The following PPP2CB variants were observed in gnomAD, a reference collection of about 807,000 sequenced individuals.
The protein encoded by PPP2CB is serine/threonine-protein phosphatase 2A catalytic subunit beta isoform.
In PPP2CB, 18 loss-of-function variants were observed where a neutral mutation model predicts 39.1. That is an observed-to-expected ratio of 0.46 (90% CI 0.32 to 0.68). The LOEUF (loss-of-function observed/expected upper bound fraction) is 0.68, where lower values mean the gene tolerates loss of function less well. PPP2CB is among the 30% of genes least tolerant of loss of function. The pLI is 0.04. For missense variants in PPP2CB, 226 were observed against 396.9 expected (o/e 0.57, Z 3.66); for synonymous variants, 129 against 133.8 (o/e 0.96, Z 0.25).
intron 2 of PPP2CB, among the ~76,000 whole-genome samples, chr8:30,798,497 T>TACA (rs1563215858): frequency 1.3e-5 from 2 of 152,200 alleles, no homozygotes; most frequent in African/African-American, 4.8e-5. Context: ...GGCAGCATTT[T>TACA]TGTTAACAGA....
At chr8:30,791,483 A>C (rs1806427815) in intron 5 of PPP2CB, 168 bp from the exon 6 acceptor site, 1 of 563,672 alleles carries the variant, frequency 1.8e-6, no homozygotes, top group South Asian at 2.4e-5. Flanking sequence ...CCTGTAAAGA[A>C]TACTGTGCAA....
intron 3 of PPP2CB, among the ~76,000 whole-genome samples, chr8:30,796,628 A>G (rs1184921474): frequency 6.6e-6 from 1 of 152,080 alleles, no homozygotes; most frequent in Non-Finnish European, 1.5e-5. Flanking sequence ...ACCTCAGGTG[A>G]TCCACCCACC....
At chr8:30,812,251 G>T in intron 1 of PPP2CB, 69 bp downstream of exon 1, 1 of 1,237,102 alleles carries the variant, frequency 8.1e-7, no homozygotes, top group Non-Finnish European at 1.1e-6. Flanking sequence ...GGACGGGACC[G>T]GGGCGGGCAG....
rs1197530929 is a variant in PPP2CB, at chr8:30,812,495, C to T, written c.-74G>A. 9.6e-6 allele frequency: 11 copies of T among 1,151,244 alleles called. No homozygotes were observed. The East Asian group carries it at 3.1e-4, about 32-fold the overall frequency. 71.3% of individuals were successfully genotyped at this position (1,151,244 alleles called of 1,614,324 possible). On this transcript the variant is annotated 5_prime_UTR_variant, in exon 1 of 7. Transcript: ENST00000221138. Reference sequence around the variant, plus strand: ...CTCCCCCCTCCCCACCCGCCCCCGGCCCCGGCCCGGGCGCCGCTCCCCTCT... The same window carrying T: ...CTCCCCCCTCCCCACCCGCCCCCGGTCCCGGCCCGGGCGCCGCTCCCCTCT...
intron 1 of PPP2CB, among the ~76,000 whole-genome samples, chr8:30,807,916 C>T (rs141942443): frequency 6.6e-6 from 1 of 152,330 alleles, no homozygotes; most frequent in African/African-American, 2.4e-5. Context: ...ACATGCCTTG[C>T]TATTTTATGC....
At chr8:30,786,956 C>T (rs1190563481) in intron 6 of PPP2CB, among the ~76,000 whole-genome samples, 5 of 152,192 alleles carry the variant, frequency 3.3e-5, no homozygotes, top group South Asian at 2.1e-4. Context: ...TGAGCCACCG[C>T]GCCAGGCCTA....
At chr8:30,788,131 G>T (rs1395072348) in intron 6 of PPP2CB, among the ~76,000 whole-genome samples, 1 of 151,898 alleles carries the variant, frequency 6.6e-6, no homozygotes, top group Non-Finnish European at 1.5e-5. Context: ...TTTCTGTAAT[G>T]ATTTTCTACT....
At chr8:30,795,053 T>C (rs529370729) in intron 3 of PPP2CB, among the ~76,000 whole-genome samples, 46 of 152,284 alleles carry the variant, frequency 3.0e-4, no homozygotes, top group African/African-American at 9.9e-4. Context: ...TTCAAGTCCA[T>C]GCTCTAGGTA....
chr8:30,785,925 A>T lies in PPP2CB; in HGVS notation c.*310T>A, dbSNP rs1806331573. 2 of 501,748 alleles carry T rather than the reference A, an allele frequency of 4.0e-6. No individual in the cohort carries two copies. The highest frequency in any genetic ancestry group is 7.7e-6 in the Non-Finnish European group (2 of 261,406). 31.1% of individuals were successfully genotyped at this position (501,748 alleles called of 1,614,324 possible). A position where few individuals can be genotyped will look rare whatever the true frequency, so the allele number is the denominator to read the frequency against. On this transcript the variant is annotated 3_prime_UTR_variant, in exon 7 of 7. Coordinates refer to ENST00000221138, the MANE Select transcript of PPP2CB (RefSeq NM_001009552.2). ...ACACTATAACTAAAATTTCCAAATAAGCGCAAAAGGAGATGAAGCAGTTAG... is the reference window on the plus strand; with the variant it reads ...ACACTATAACTAAAATTTCCAAATATGCGCAAAAGGAGATGAAGCAGTTAG...
intron 6 of PPP2CB, 199 bp from the exon 7 acceptor site, chr8:30,786,506 A>ATTTTTTTTTTTTTTTT: frequency 5.2e-6 from 2 of 384,862 alleles, no homozygotes; most frequent in Non-Finnish European, 4.6e-6. Context: ...TATGGTGAAA[A>ATTTTTTTTTTTTTTTT]TTTAAGAAGA....
intron 3 of PPP2CB, among the ~76,000 whole-genome samples, chr8:30,796,069 A>G (rs1308183755): frequency 6.6e-6 from 1 of 152,254 alleles, no homozygotes; most frequent in South Asian, 2.1e-4. Flanking sequence ...TTTAAAAATC[A>G]TTCTGTCCAG....
At position 30,789,133 on chromosome 8, in the gene PPP2CB, C is replaced by T. The variant is rs549494752; in HGVS notation, c.857+2064G>A. ...ATCGCCGCCGCCTCCCAGGTTCAAG[C>T]GATTCTCCTGCCTCAGCCTCCTGAG... is the stretch of plus-strand genomic sequence containing the variant. On this transcript the variant is annotated intron_variant, in intron 6 of 6. Transcript: ENST00000221138. Among the ~76,000 whole-genome samples the T allele has an allele frequency of 2.1e-3, 321 of 151,560 alleles. 2 individuals are homozygous for T. The highest frequency in any genetic ancestry group is 7.2e-3 in the African/African-American group (299 of 41,278).
chr8:30,791,416 T>G, intron 5 of PPP2CB, 101 bp from the exon 6 acceptor site: 1 of 828,082 alleles, frequency 1.2e-6, no homozygotes. Flanking sequence ...GTACTCTCTG[T>G]GGAAATGTAG....
intron 6 of PPP2CB, among the ~76,000 whole-genome samples, chr8:30,789,354 C>T (rs1806393309): frequency 6.6e-6 from 1 of 152,194 alleles, no homozygotes; most frequent in Non-Finnish European, 1.5e-5. Context: ...TAATCTTTCA[C>T]AGCCTGGCTA....
At position 30,798,223 on chromosome 8, in the gene PPP2CB, C is replaced by A. The variant is rs187596680; in HGVS notation, c.313-469G>T. 7.9e-5 allele frequency among the ~76,000 whole-genome samples: 12 copies of A among 152,224 alleles called. No homozygotes were observed. The East Asian group carries it at 2.3e-3, about 29-fold the overall frequency. On this transcript the variant is annotated intron_variant, in intron 2 of 6. Coordinates refer to ENST00000221138, the MANE Select transcript of PPP2CB (RefSeq NM_001009552.2). ...GGAAGATTGGATTTGCCAATAATAA[C>A]ACAAAAACAGGCCCTTGACAAAACT...
chr8:30,804,008 A>C (rs923411078), intron 1 of PPP2CB, among the ~76,000 whole-genome samples: 9 of 152,110 alleles, frequency 5.9e-5, no homozygotes, highest in Admixed American at 2.6e-4. Flanking sequence ...TTTTTAGTAG[A>C]GATGGGGTTT....
intron 5 of PPP2CB, 75 bp downstream of exon 5, chr8:30,793,842 G>A: frequency 7.1e-7 from 1 of 1,417,744 alleles, no homozygotes; most frequent in Non-Finnish European, 9.4e-7. Flanking sequence ...ATGTTTCTTA[G>A]TTAAGTCATA....
At chr8:30,802,805 C>T (rs543928033) in intron 1 of PPP2CB, among the ~76,000 whole-genome samples, 2 of 152,234 alleles carry the variant, frequency 1.3e-5, no homozygotes, top group African/African-American at 4.8e-5. Flanking sequence ...CAGATACATG[C>T]TACAATATGG....
intron 6 of PPP2CB, among the ~76,000 whole-genome samples, chr8:30,789,045 T>C (rs1806387683): frequency 6.7e-6 from 1 of 149,120 alleles, no homozygotes. Flanking sequence ...CTCGGATGTT[T>C]TTACTTTTTT....
Sources: gnomAD v4.1 joint callset for allele counts (sites outside exome capture counted in the v4.1 genomes callset) on GRCh38, gnomAD v4.1.1 for gene constraint, MANE v1.5 for transcripts, NCBI Gene and HGNC (gene_info 2026-07-23, HGNC 2026-07-21) for gene names.